The following UPP2 variants were observed in gnomAD, a reference collection of about 807,000 sequenced individuals.
UPP2 encodes the protein uridine phosphorylase 2, also known as UPase 2.
Under a neutral mutation model 26.7 loss-of-function variants are expected in UPP2, and 23 were observed. The ratio of observed to expected loss-of-function variants is 0.86; its 90% CI spans 0.62 to 1.22. The LOEUF (loss-of-function observed/expected upper bound fraction) is 1.22. UPP2 is among the 50% of genes most tolerant of loss of function. UPP2 has a pLI of 0.00. For missense variants in UPP2, 387 were observed against 396.7 expected (o/e 0.98, Z 0.21); for synonymous variants, 127 against 141.3 (o/e 0.90, Z 0.72).
intron 6 of UPP2, among the ~76,000 whole-genome samples, chr2:158,130,080 GTGTC>G (rs927331602): frequency 6.6e-6 from 1 of 152,078 alleles, no homozygotes; most frequent in African/African-American, 2.4e-5. Flanking sequence ...ATGAGCCACT[GTGTC>G]TGGCTAGAAG....
chr2:158,051,189 GTGTGTGTGTA>G (rs1303962213), intron 3 of UPP2, among the ~76,000 whole-genome samples: 3 of 146,226 alleles, frequency 2.1e-5, no homozygotes, highest in African/African-American at 7.5e-5. Flanking sequence ...GTGTGTGTGT[GTGTGTGTGTA>G]TGTGTGTATA....
intron 3 of UPP2, among the ~76,000 whole-genome samples, chr2:158,073,200 T>C (rs1241562700): frequency 2.6e-5 from 4 of 152,044 alleles, no homozygotes; most frequent in African/African-American, 9.6e-5. Flanking sequence ...GCTAAAACAA[T>C]GCATCAGAGT....
At chr2:158,002,593 A>T (rs1683426467) in intron 2 of UPP2, among the ~76,000 whole-genome samples, 2 of 152,364 alleles carry the variant, frequency 1.3e-5, no homozygotes, top group South Asian at 4.1e-4. Context: ...TATTGAAGGG[A>T]AGATCCCTGG....
chr2:158,085,339 TA>T (rs1162854980), intron 3 of UPP2, among the ~76,000 whole-genome samples: 2 of 152,288 alleles, frequency 1.3e-5, no homozygotes, highest in Non-Finnish European at 2.9e-5. Flanking sequence ...CTGATTTTCA[TA>T]CATTAATTTT....
At chr2:157,995,625 T>A (rs1436128178) in intron 2 of UPP2, among the ~76,000 whole-genome samples, 1 of 151,184 alleles carries the variant, frequency 6.6e-6, no homozygotes, top group African/African-American at 2.5e-5. Flanking sequence ...ATACATAATT[T>A]TTAAAAAAAA....
At chr2:158,107,946 G>A (rs960309933) in intron 2 of UPP2, among the ~76,000 whole-genome samples, 1 of 152,046 alleles carries the variant, frequency 6.6e-6, no homozygotes, top group Non-Finnish European at 1.5e-5. Flanking sequence ...TGATCAAGGC[G>A]GTCTTTAATA....
chr2:158,037,332 G>A (rs1684019150), intron 3 of UPP2, among the ~76,000 whole-genome samples: 1 of 152,062 alleles, frequency 6.6e-6, no homozygotes, highest in Non-Finnish European at 1.5e-5. Context: ...CCGAGATTGT[G>A]CCATTGCACT....
chr2:158,109,059 T>A (rs180719923), intron 2 of UPP2, among the ~76,000 whole-genome samples: 1 of 152,206 alleles, frequency 6.6e-6, no homozygotes, highest in Admixed American at 6.5e-5. Context: ...CCTCAGAAAC[T>A]TGCCTTCCTC....
At chr2:158,102,965 C>T (rs1046875198) in intron 1 of UPP2, among the ~76,000 whole-genome samples, 5 of 152,188 alleles carry the variant, frequency 3.3e-5, no homozygotes, top group Non-Finnish European at 7.3e-5. Flanking sequence ...ATATTTAATA[C>T]TCATCATGTA....
chr2:158,111,630 G>C (rs186576422), intron 2 of UPP2, among the ~76,000 whole-genome samples: 18 of 152,136 alleles, frequency 1.2e-4, no homozygotes, highest in African/African-American at 4.3e-4. Context: ...TGTGTATTAA[G>C]CTCTGCTTTC....
chr2:158,086,808 C>T (rs1039269494), intron 3 of UPP2, among the ~76,000 whole-genome samples: 2 of 151,958 alleles, frequency 1.3e-5, no homozygotes, highest in African/African-American at 4.8e-5. Flanking sequence ...TTTGAAGGTT[C>T]CTTTTTGAGT....
chr2:158,024,587 C>A (rs1683806521), intron 3 of UPP2, among the ~76,000 whole-genome samples: 1 of 152,084 alleles, frequency 6.6e-6, no homozygotes, highest in Non-Finnish European at 1.5e-5. Flanking sequence ...CAGTTTTTAA[C>A]GTGAGTGTTA....
chr2:158,122,151 A>C (rs568176263), intron 5 of UPP2, among the ~76,000 whole-genome samples: 3 of 151,948 alleles, frequency 2.0e-5, no homozygotes, highest in Non-Finnish European at 4.4e-5. Flanking sequence ...ATGTAGCAGC[A>C]CTTGCTACTA....
At chr2:158,036,149 T>TAG in intron 3 of UPP2, among the ~76,000 whole-genome samples, 1 of 152,340 alleles carries the variant, frequency 6.6e-6, no homozygotes, top group East Asian at 1.9e-4. Flanking sequence ...TCTGTAAAAT[T>TAG]AGATACATTA....
At chr2:158,012,924 A>G (rs1683602949) in intron 2 of UPP2, among the ~76,000 whole-genome samples, 1 of 152,156 alleles carries the variant, frequency 6.6e-6, no homozygotes, top group Non-Finnish European at 1.5e-5. Flanking sequence ...CTCATACCCT[A>G]CTATATGGAG....
At chr2:158,024,159 G>A (rs746678265) in intron 3 of UPP2, among the ~76,000 whole-genome samples, 30 of 152,254 alleles carry the variant, frequency 2.0e-4, no homozygotes, top group Admixed American at 2.6e-4. Context: ...CCAGGAATGC[G>A]GATATAGGGA....
At chr2:158,039,897 G>A (rs971634756) in intron 3 of UPP2, among the ~76,000 whole-genome samples, 38 of 152,364 alleles carry the variant, frequency 2.5e-4, no homozygotes, top group African/African-American at 8.7e-4. Context: ...GGCCCCAGGG[G>A]AGGGGTGCTG....
chr2:158,102,868 G>C (rs1280607306), intron 1 of UPP2, among the ~76,000 whole-genome samples: 4 of 152,102 alleles, frequency 2.6e-5, no homozygotes, highest in Admixed American at 6.5e-5. Flanking sequence ...GGAAGCCCAG[G>C]AGAAAAAGAA....
At chr2:158,125,005 G>A (rs1443361381) in intron 6 of UPP2, among the ~76,000 whole-genome samples, 1 of 152,110 alleles carries the variant, frequency 6.6e-6, no homozygotes, top group Non-Finnish European at 1.5e-5. Flanking sequence ...AACAAACAAT[G>A]AGTCTAGGCA....
Sources: allele counts gnomAD v4.1 joint callset (sites outside exome capture counted in the v4.1 genomes callset), GRCh38; gene constraint gnomAD v4.1.1; transcripts MANE v1.5; gene names NCBI Gene and HGNC (gene_info 2026-07-23, HGNC 2026-07-21).